Variants in PKP4 observed in about 807,000 individuals in gnomAD.
PKP4 encodes plakophilin 4, also known as plakophilin-4.
PKP4 carries 90 observed loss-of-function variants against 145.1 expected under a neutral mutation model. The ratio of observed to expected loss-of-function variants is 0.62; its 90% CI spans 0.52 to 0.74. The LOEUF (loss-of-function observed/expected upper bound fraction) is 0.74. Ranked by LOEUF, PKP4 falls within the 30% of genes least tolerant of loss-of-function variation. PKP4 has a pLI of 0.00. For synonymous variants in PKP4, 563 were observed against 577.2 expected, an observed-to-expected ratio of 0.98 and a Z score of 0.35; for missense variants, 1,340 against 1,482.7, an observed-to-expected ratio of 0.90 and a Z score of 1.58.
rs1420835913 is a variant in PKP4, at chr2:158,681,252, A to G, written c.*575A>G. ...ATGAGAAGCCCAAGGAACTGTGAGC[A>G]ATTAAAAGCAAACCGCGACACCCTT... is the stretch of plus-strand genomic sequence containing the variant. On this transcript the variant is annotated 3_prime_UTR_variant, in exon 22 of 22. Coordinates refer to ENST00000389759, the MANE Select transcript of PKP4 (RefSeq NM_003628.6). 1 of 153,292 alleles carries G rather than the reference A, an allele frequency of 6.5e-6. No individual in the cohort carries two copies. The highest frequency in any genetic ancestry group is 1.5e-5 in the Non-Finnish European group (1 of 68,540). 9.5% of individuals were successfully genotyped at this position (153,292 alleles called of 1,614,324 possible). A position where few individuals can be genotyped will look rare whatever the true frequency, so the allele number is the denominator to read the frequency against.
At chr2:158,508,291 G>T (rs77107341) in intron 1 of PKP4, among the ~76,000 whole-genome samples, 4,581 of 150,226 alleles carry the variant, frequency 0.03, 152 homozygotes, top group East Asian at 0.14. Context: ...CTTGAACCTG[G>T]AGGGGCAGAG....
intron 1 of PKP4, among the ~76,000 whole-genome samples, chr2:158,526,896 G>C (rs1426298422): frequency 4.6e-5 from 3 of 65,430 alleles, no homozygotes; most frequent in African/African-American, 6.5e-5. Flanking sequence ...TTGCTTCAAA[G>C]AGAATAAAAT....
chr2:158,550,140 A>AATCTATTAATTCTATTAGT (rs550269421), intron 2 of PKP4, among the ~76,000 whole-genome samples: 1 of 151,864 alleles, frequency 6.6e-6, no homozygotes, highest in Non-Finnish European at 1.5e-5. Flanking sequence ...TTCTGCCAAG[A>AATCTATTAATTCTATTAGT]AGAAGTTAAA....
intron 10 of PKP4, among the ~76,000 whole-genome samples, chr2:158,642,266 C>T (rs111809151): frequency 9.4e-4 from 143 of 152,268 alleles, no homozygotes; most frequent in African/African-American, 3.2e-3. Flanking sequence ...TCAAGTGATC[C>T]GCCCATCTTG....
chr2:158,474,805 A>G (rs1692192885), intron 1 of PKP4, among the ~76,000 whole-genome samples: 2 of 152,146 alleles, frequency 1.3e-5, no homozygotes, highest in Non-Finnish European at 2.9e-5. Flanking sequence ...ACTCTGGCCA[A>G]TCTTTTTAAA....
Position 158,673,891 on chromosome 2 carries a change from G to C in PKP4, c.3018G>C (p.Trp1006Cys), listed in dbSNP as rs141571069. The change falls in exon 19 of 22, where the codon TGG becomes TGC. Residue 1006 changes from tryptophan (W) to cysteine (C), a missense_variant. Transcript: ENST00000389759. ...TTCTCTTAACTCTGCAGGATGGGTG[G>C]AATCAGAACCATTTTATTACACCTG... Reference protein sequence around the residue: ...DLRSIYKKDGWNQNHFITPVS... With the variant: ...DLRSIYKKDGCNQNHFITPVS... 6.2e-7 allele frequency: 1 copy of C among 1,602,744 alleles called. No individual in the cohort carries two copies. Among genetic ancestry groups the C allele is most frequent in the African/African-American group, 1.3e-5 (1 of 74,804 alleles).
rs144727203 is a variant in PKP4 at position 158,543,951 on chromosome 2, T to A, written c.132+10635T>A. Among the ~76,000 whole-genome samples the A allele has an allele frequency of 2.9e-3, 444 of 152,328 alleles. 1 individual carries two copies. Among genetic ancestry groups the A allele is most frequent in the Non-Finnish European group, 5.0e-3 (338 of 68,024 alleles). ...CATGTGTACCTCATTTAATTTCTCA[T>A]CACTTTGCGGTTCAGGAATTATGAG... On this transcript the variant is annotated intron_variant, in intron 2 of 21. Coordinates refer to ENST00000389759, the MANE Select transcript of PKP4 (RefSeq NM_003628.6).
At chr2:158,532,774 G>A (rs1356722094) in intron 1 of PKP4, among the ~76,000 whole-genome samples, 2 of 152,204 alleles carry the variant, frequency 1.3e-5, no homozygotes, top group Non-Finnish European at 2.9e-5. Flanking sequence ...GGGTGACCTT[G>A]TTGCTAGTTA....
intron 1 of PKP4, among the ~76,000 whole-genome samples, chr2:158,472,741 C>T (rs1319419057): frequency 1.3e-5 from 2 of 151,692 alleles, no homozygotes; most frequent in Non-Finnish European, 2.9e-5. Context: ...GCAACCTATG[C>T]TTTTCCTGTG....
chr2:158,548,768 C>T, intron 2 of PKP4: 1 of 300,394 alleles, frequency 3.3e-6, no homozygotes, highest in South Asian at 3.6e-5. Context: ...GAAGCAGAGA[C>T]TTGGCCTGGG....
intron 1 of PKP4, among the ~76,000 whole-genome samples, chr2:158,475,495 G>T (rs1007312877): frequency 3.9e-5 from 6 of 152,200 alleles, no homozygotes; most frequent in Admixed American, 3.9e-4. Flanking sequence ...GATTCTGTCT[G>T]TGCTCTGTCC....
intron 15 of PKP4, among the ~76,000 whole-genome samples, chr2:158,663,883 A>G (rs2056840604): frequency 6.6e-6 from 1 of 152,234 alleles, no homozygotes. Context: ...AGGCTGTGGT[A>G]TGGAAGGAGC....
chr2:158,474,647 A>T (rs1442853373), intron 1 of PKP4, among the ~76,000 whole-genome samples: 2 of 152,168 alleles, frequency 1.3e-5, no homozygotes, highest in Non-Finnish European at 2.9e-5. Flanking sequence ...TGCCCTAAGG[A>T]AGACGGGTTT....
chr2:158,580,784 A>C (rs892824192), intron 3 of PKP4, among the ~76,000 whole-genome samples: 42 of 152,178 alleles, frequency 2.8e-4, no homozygotes, highest in African/African-American at 9.4e-4. Context: ...CTTTCTTCTC[A>C]TGTTGAATTC....
At chr2:158,515,762 G>T (rs1422104981) in intron 1 of PKP4, among the ~76,000 whole-genome samples, 4 of 152,076 alleles carry the variant, frequency 2.6e-5, no homozygotes, top group Non-Finnish European at 5.9e-5. Flanking sequence ...AAAAATGGGG[G>T]TTGGCTGACC....
intron 4 of PKP4, among the ~76,000 whole-genome samples, chr2:158,609,540 A>G (rs1267112143): frequency 1.3e-5 from 2 of 152,194 alleles, no homozygotes; most frequent in Admixed American, 1.3e-4. Flanking sequence ...AGTTTTACAA[A>G]TTTGACTTGA....
In PKP4 at chr2:158,663,354, C is replaced by A. The variant is rs768421412; in HGVS notation, c.2486C>A (p.Pro829Gln). 2 of 1,614,074 alleles carry A rather than the reference C, an allele frequency of 1.2e-6. No individual in the cohort carries two copies. Among genetic ancestry groups the A allele is most frequent in the South Asian group, 2.2e-5 (2 of 91,080 alleles). The change falls in exon 15 of 22, where the codon CCA (proline) becomes CAA (glutamine). Residue 829 changes from proline to glutamine, a missense_variant. Physicochemically the swap from Pro to Gln is moderately conservative, Grantham distance 76. Transcript: ENST00000389759. ...CTGTGGCACCCATCGGTGGTAAAAC[C>A]ATATCTGACTCTTCTAGCAGAAAGT... ...EMLWHPSVVK[P>Q]YLTLLAESSN...
intron 21 of PKP4, 66 bp downstream of exon 21, chr2:158,678,720 G>T: frequency 2.0e-6 from 2 of 1,023,608 alleles, no homozygotes; most frequent in Non-Finnish European, 3.1e-6. Flanking sequence ...GGTCCACGTC[G>T]ATTGACTTCC....
intron 2 of PKP4, among the ~76,000 whole-genome samples, chr2:158,570,810 G>C (rs1177327403): frequency 6.6e-6 from 1 of 152,134 alleles, no homozygotes; most frequent in Non-Finnish European, 1.5e-5. Context: ...TGATAAAGGA[G>C]TCAGTTTAAA....
Sources: allele counts gnomAD v4.1 joint callset (sites outside exome capture counted in the v4.1 genomes callset), GRCh38; gene constraint gnomAD v4.1.1; transcripts MANE v1.5; gene names NCBI Gene and HGNC (gene_info 2026-07-23, HGNC 2026-07-21).